Variants in CACHD1 observed in about 807,000 individuals in gnomAD.
CACHD1 encodes VWFA and cache domain-containing protein 1.
Under a neutral mutation model 138.7 loss-of-function variants are expected in CACHD1, and 71 were observed. The ratio of observed to expected loss-of-function variants is 0.51; its 90% CI spans 0.42 to 0.62. The LOEUF (loss-of-function observed/expected upper bound fraction) is 0.62, where lower values mean the gene tolerates loss of function less well. Among genes scored for constraint, CACHD1 ranks in the 20% least tolerant of loss-of-function variants. The pLI is 0.00. For missense variants in CACHD1, 1,389 were observed against 1,625.3 expected (o/e 0.85, Z 2.50); for synonymous variants, 578 against 591.5 (o/e 0.98, Z 0.33).
In CACHD1 at chr1:64,566,489, C is replaced by CCCT. The variant is rs1491117903; in HGVS notation, c.262-15666_262-15665insCTC. On this transcript the variant is annotated intron_variant, in intron 2 of 26. Coordinates refer to ENST00000651257, the MANE Select transcript of CACHD1 (RefSeq NM_020925.4). ...CTGTATGTTTTCAATTCCCCCCCCCCCACAAGGTATGGGGGAAGTACTGCC... is the reference window on the plus strand; with the variant it reads ...CTGTATGTTTTCAATTCCCCCCCCCCCCTCACAAGGTATGGGGGAAGTACTGCC... Among the ~76,000 whole-genome samples, 6 of 143,198 alleles carry CCCT rather than the reference C, an allele frequency of 4.2e-5. 2 individuals are homozygous for CCCT. In the South Asian group the frequency reaches 9.7e-4, roughly 23 times the overall value. 93.9% of individuals were successfully genotyped at this position (143,198 alleles called of 152,430 possible). A position where few individuals can be genotyped will look rare whatever the true frequency, so the allele number is the denominator to read the frequency against.
At chr1:64,601,294 G>C (rs1051730263) in intron 3 of CACHD1, among the ~76,000 whole-genome samples, 5 of 152,172 alleles carry the variant, frequency 3.3e-5, no homozygotes, top group South Asian at 2.1e-4. Flanking sequence ...ATAGCATAGA[G>C]AGAAGTGAGA....
intron 1 of CACHD1, among the ~76,000 whole-genome samples, chr1:64,485,064 T>C (rs190630445): frequency 1.1e-3 from 163 of 152,324 alleles, no homozygotes; most frequent in African/African-American, 3.5e-3. Context: ...CCATAGTGGG[T>C]GTACCATTTT....
At chr1:64,561,655 C>G in intron 2 of CACHD1, among the ~76,000 whole-genome samples, 1 of 151,580 alleles carries the variant, frequency 6.6e-6, no homozygotes, top group East Asian at 1.9e-4. Flanking sequence ...GAGTTCAAGA[C>G]CAGCCCAGGC....
intron 3 of CACHD1, among the ~76,000 whole-genome samples, chr1:64,597,541 T>TGTTG (rs1647165338): frequency 6.8e-6 from 1 of 147,856 alleles, no homozygotes; most frequent in Non-Finnish European, 1.5e-5. Context: ...TTTTTTTTTT[T>TGTTG]TTTTTTTTTA....
chr1:64,653,688 T>A, intron 10 of CACHD1, 70 bp from the exon 11 acceptor site: 1 of 1,548,228 alleles, frequency 6.5e-7, no homozygotes, highest in Non-Finnish European at 8.8e-7. Context: ...TACCCCATAT[T>A]TCAAAACAGT....
intron 1 of CACHD1, among the ~76,000 whole-genome samples, chr1:64,480,325 A>C (rs540497023): frequency 2.0e-5 from 3 of 152,316 alleles, no homozygotes; most frequent in African/African-American, 7.2e-5. Context: ...TTTTGGTTTT[A>C]GACTCTTGTT....
intron 1 of CACHD1, among the ~76,000 whole-genome samples, chr1:64,525,158 C>A (rs1484528440): frequency 1.3e-5 from 2 of 151,932 alleles, no homozygotes; most frequent in African/African-American, 4.8e-5. Context: ...TGTTTGTATT[C>A]TGCTTTATAT....
chr1:64,596,727 A>G (rs953122948), intron 3 of CACHD1, among the ~76,000 whole-genome samples: 2 of 152,174 alleles, frequency 1.3e-5, no homozygotes, highest in African/African-American at 4.8e-5. Context: ...AACCTTTTGC[A>G]CTTATCTCAG....
chr1:64,580,657 A>G (rs1159971786), intron 2 of CACHD1, among the ~76,000 whole-genome samples: 1 of 152,202 alleles, frequency 6.6e-6, no homozygotes, highest in Non-Finnish European at 1.5e-5. Flanking sequence ...AAAAGCAATC[A>G]ATCGAGGTTT....
At chr1:64,687,657 A>G (rs1926302) in intron 26 of CACHD1, among the ~76,000 whole-genome samples, 32,970 of 151,928 alleles carry the variant, frequency 0.22, 4,644 homozygotes, top group East Asian at 0.69. Flanking sequence ...GTCATAACCC[A>G]TGGACAGAGT....
At chr1:64,544,507 T>C (rs1457460916) in intron 1 of CACHD1, among the ~76,000 whole-genome samples, 6 of 151,916 alleles carry the variant, frequency 3.9e-5, no homozygotes, top group African/African-American at 1.5e-4. Flanking sequence ...GAGATGATGG[T>C]TTGGGAGGGT....
intron 7 of CACHD1, among the ~76,000 whole-genome samples, chr1:64,640,385 T>A (rs12122389): frequency 0.98 from 149,385 of 152,214 alleles, 73,377 homozygotes; most frequent in East Asian, 1. Context: ...TCCTAAAAAT[T>A]TTTATTGAGG....
intron 3 of CACHD1, among the ~76,000 whole-genome samples, chr1:64,588,829 C>T (rs1416975061): frequency 6.6e-6 from 1 of 152,076 alleles, no homozygotes; most frequent in East Asian, 1.9e-4. Flanking sequence ...GGAGCATAAG[C>T]TACGGAGGAA....
intron 2 of CACHD1, among the ~76,000 whole-genome samples, chr1:64,568,271 G>A (rs992243498): frequency 1.2e-4 from 18 of 152,110 alleles, no homozygotes; most frequent in African/African-American, 3.4e-4. Context: ...GGATGAAAGC[G>A]TAACATTGTT....
Position 64,647,817 on chromosome 1 carries a change from G to T in CACHD1, c.1173G>T (p.Leu391Phe), listed in dbSNP as rs199573134. Reference protein sequence around the residue: ...YALMNDGVTGLKELAFLRDLA... With the variant: ...YALMNDGVTGFKELAFLRDLA... ...CCATTTTAGATGGGGTGACTGGTTT[G>T]AAAGAGCTGGCTTTTCTGAGGGATC... is the stretch of plus-strand genomic sequence containing the variant. Residue 391 changes from leucine to phenylalanine, a missense_variant, in exon 9 of 27, where the codon TTG becomes TTT. Leu to Phe is a conservative substitution (Grantham distance 22). This residue lies in a region of CACHD1 where 1,000 missense variants were observed against 1,114.7 expected (regional missense o/e 0.90). Coordinates refer to ENST00000651257, the MANE Select transcript of CACHD1 (RefSeq NM_020925.4). 2 of 1,614,058 alleles carry T rather than the reference G, an allele frequency of 1.2e-6. No homozygotes were observed. Among genetic ancestry groups the T allele is most frequent in the African/African-American group, 2.7e-5 (2 of 74,928 alleles).
chr1:64,567,379 A>G (rs1030531658), intron 2 of CACHD1, among the ~76,000 whole-genome samples: 3 of 152,068 alleles, frequency 2.0e-5, no homozygotes, highest in African/African-American at 7.2e-5. Flanking sequence ...TAGAATCCTA[A>G]CAAATGCCAG....
At chr1:64,632,457 A>G (rs1055278544) in intron 5 of CACHD1, 142 bp from the exon 6 acceptor site, 9 of 763,428 alleles carry the variant, frequency 1.2e-5, no homozygotes, top group African/African-American at 1.0e-4. Context: ...TTCTCCTTCC[A>G]TGTGGATTTC....
intron 13 of CACHD1, among the ~76,000 whole-genome samples, chr1:64,663,175 G>A (rs769046432): frequency 6.4e-4 from 97 of 152,194 alleles, no homozygotes; most frequent in Non-Finnish European, 1.0e-3. Context: ...TCTACTCCCA[G>A]CACTTGTGTT....
chr1:64,597,705 A>T lies in CACHD1; in HGVS notation c.411-5101A>T, dbSNP rs1647167456. Reference sequence around the variant, plus strand: ...TTTCTATTGTCATTACTAACTTTTTAAAAGCACAGGCATGAGGAATGAAGC... The same window carrying T: ...TTTCTATTGTCATTACTAACTTTTTTAAAGCACAGGCATGAGGAATGAAGC... On this transcript the variant is annotated intron_variant, in intron 3 of 26. Coordinates refer to ENST00000651257, the MANE Select transcript of CACHD1 (RefSeq NM_020925.4). Among the ~76,000 whole-genome samples, 3 of 152,010 alleles carry T rather than the reference A, an allele frequency of 2.0e-5. No individual in the cohort carries two copies. In the South Asian group the frequency reaches 6.2e-4, roughly 32 times the overall value.
Sources: gnomAD v4.1 joint callset for allele counts (sites outside exome capture counted in the v4.1 genomes callset) on GRCh38, gnomAD v4.1.1 for gene constraint, gnomAD v4.1.1 regional missense constraint, MANE v1.5 for transcripts, NCBI Gene and HGNC (gene_info 2026-07-23, HGNC 2026-07-21) for gene names.